CEL: variants seen among roughly 807,000 people sequenced by gnomAD.
CEL encodes carboxyl ester lipase.
CEL carries 39 observed loss-of-function variants against 57.1 expected under a neutral mutation model. That is an observed-to-expected ratio of 0.68 (90% CI 0.53 to 0.89). CEL has a LOEUF of 0.89. CEL is among the 40% of genes least tolerant of loss of function. The probability of loss-of-function intolerance (pLI) is 0.00; values close to 1 mark genes in which losing one functional copy is unlikely to be tolerated. For missense variants in CEL, 698 were observed against 915.0 expected, an observed-to-expected ratio of 0.76 and a Z score of 3.06; for synonymous variants, 314 against 396.6, an observed-to-expected ratio of 0.79 and a Z score of 2.48.
chr9:133,071,823 C>A lies in CEL; in HGVS notation c.*59C>A. On this transcript the variant is annotated 3_prime_UTR_variant, in exon 11 of 11. Transcript: ENST00000372080. ...GAGTGGGACCCCAGGGGCTCCCCTC[C>A]CATCTTGAGCTCTTCCTGAATAAAG... 2 of 1,454,614 alleles carry A rather than the reference C, an allele frequency of 1.4e-6. No individual in the cohort carries two copies. Among genetic ancestry groups the A allele is most frequent in the Non-Finnish European group, 1.9e-6 (2 of 1,040,046 alleles). 90.1% of individuals were successfully genotyped at this position (1,454,614 alleles called of 1,614,324 possible).
intron 3 of CEL, 54 bp downstream of exon 3, chr9:133,064,816 G>C: frequency 6.2e-7 from 1 of 1,612,054 alleles, no homozygotes; most frequent in Non-Finnish European, 8.5e-7. Flanking sequence ...ACTGCCCCGG[G>C]TCTACTCCTG....
Position 133,065,203 on chromosome 9 carries a change from T to C in CEL, c.504T>C (p.Leu168=), listed in dbSNP as rs1308211603. The C allele has an allele frequency of 1.9e-6, 3 of 1,613,568 alleles. No homozygotes were observed. The Admixed American group carries it at 5.0e-5, about 27-fold the overall frequency. ...CCTTCAACTACCGTGTCGGCCCCCT[T>C]GGGTTCCTCAGCACTGGGGACGCCA... ...VVTFNYRVGP[L]GFLSTGDANL... The change falls in exon 4 of 11, where the codon CTT becomes CTC. Residue 168 remains leucine (L), a synonymous_variant. Coordinates refer to ENST00000372080, the MANE Select transcript of CEL (RefSeq NM_001807.6).
In CEL at chr9:133,071,736, C is replaced by A; in HGVS notation, c.2234C>A (p.Ala745Asp). ...PVPPTDDSKEAQMPAVIRF is the reference protein window; with the variant it reads ...PVPPTDDSKEDQMPAVIRF The stretch of plus-strand genomic sequence containing the variant: ...CCCCCCACAGATGACTCCAAGGAAG[C>A]TCAGATGCCTGCAGTCATTAGGTTT... Residue 745 changes from alanine to aspartate, a missense_variant, in exon 11 of 11, where the codon GCT becomes GAT. Physicochemically the swap from Ala to Asp is moderately radical, Grantham distance 126. Coordinates refer to ENST00000372080, the MANE Select transcript of CEL (RefSeq NM_001807.6). The A allele has an allele frequency of 6.2e-7, 1 of 1,612,498 alleles. No individual in the cohort carries two copies. The highest frequency in any genetic ancestry group is 8.5e-7 in the Non-Finnish European group (1 of 1,179,522).
chr9:133,071,178 C>T lies in CEL; in HGVS notation c.1676C>T (p.Pro559Leu). Residue 559 changes from proline to leucine, a missense_variant, in exon 11 of 11, where the codon CCT becomes CTT. Around this residue, in one of 6 missense-constraint regions of CEL, gnomAD observed 238 missense variants for 213.7 expected, o/e 1.11. Transcript: ENST00000372080. ...ACAGTGACCGACCAGGAGGCCACCC[C>T]TGTGCCCCCCACAGGGGACTCCGAG... ...LPTVTDQEATPVPPTGDSEAT... is the reference protein window; with the variant it reads ...LPTVTDQEATLVPPTGDSEAT... The T allele has an allele frequency of 1.2e-6, 2 of 1,607,146 alleles. No individual in the cohort carries two copies. The highest frequency in any genetic ancestry group is 1.7e-6 in the Non-Finnish European group (2 of 1,179,336).
Position 133,066,956 on chromosome 9 carries a change from G to GT in CEL, c.777+11_777+12insT. 1.9e-6 allele frequency: 3 copies of GT among 1,557,108 alleles called. No homozygotes were observed. The highest frequency in any genetic ancestry group is 2.7e-6 in the Non-Finnish European group (3 of 1,128,990). On this transcript the variant is annotated intron_variant, in intron 6 of 10. Transcript: ENST00000372080. The surrounding 1 kb of genome is among the most constrained non-coding windows in gnomAD (Gnocchi z 4.3). ...TTCTGGGCCAAAAAGGTAAACGGAGGAGGGCAGGGCTGGGCGGGGTGGGGG... is the reference window on the plus strand; with the variant it reads ...TTCTGGGCCAAAAAGGTAAACGGAGGTAGGGCAGGGCTGGGCGGGGTGGGGG...
At chr9:133,064,859 C>T (rs1402047079) in intron 3 of CEL, 97 bp downstream of exon 3, 7 of 1,591,624 alleles carry the variant, frequency 4.4e-6, no homozygotes, top group African/African-American at 1.3e-5. Flanking sequence ...GCTGAACTTC[C>T]ATGAAATCCC....
intron 4 of CEL, 68 bp downstream of exon 4, chr9:133,065,305 C>T: frequency 1.9e-6 from 3 of 1,552,418 alleles, no homozygotes; most frequent in Non-Finnish European, 1.8e-6. Flanking sequence ...AGATTTTCCT[C>T]AGCACCCCTC....
chr9:133,064,103 A>G (rs1233254488), intron 1 of CEL, among the ~76,000 whole-genome samples: 1 of 152,174 alleles, frequency 6.6e-6, no homozygotes, highest in Non-Finnish European at 1.5e-5. Flanking sequence ...CTGGGCGGCC[A>G]TAGCCAGAAC....
chr9:133,065,284 G>A (rs911987253), intron 4 of CEL, 47 bp downstream of exon 4: 2 of 1,598,872 alleles, frequency 1.3e-6, no homozygotes, highest in African/African-American at 1.3e-5. Context: ...AGCATGCTGA[G>A]CCCAGCAGGG....
At chr9:133,065,970 G>T (rs947713683) in intron 4 of CEL, among the ~76,000 whole-genome samples, 9 of 151,848 alleles carry the variant, frequency 5.9e-5, no homozygotes, top group African/African-American at 2.2e-4. Context: ...GTGAGCCGTG[G>T]TCGTGCCACT....
chr9:133,070,819 A>C (rs1830247997), intron 10 of CEL, among the ~76,000 whole-genome samples, 161 bp downstream of exon 10: 1 of 152,172 alleles, frequency 6.6e-6, no homozygotes, highest in Non-Finnish European at 1.5e-5. Flanking sequence ...AGTTACTGGC[A>C]GAGCCCCAAG....
At chr9:133,064,359 G>T (rs769151749) in intron 1 of CEL, 45 bp from the exon 2 acceptor site, 1 of 1,610,692 alleles carries the variant, frequency 6.2e-7, no homozygotes, top group Non-Finnish European at 8.5e-7. Context: ...GATTCAGGCC[G>T]ATGGGGCTTG....
At chr9:133,068,914 G>A in intron 8 of CEL, 56 bp downstream of exon 8, 1 of 906,926 alleles carries the variant, frequency 1.1e-6, no homozygotes, top group South Asian at 1.6e-5. Context: ...CGCCGGGAAA[G>A]CACTGGCGAG....
In CEL at chr9:133,064,424, A is replaced by G; in HGVS notation, c.87A>G (p.Glu29=). ...CGCAGCTGGGCGCCGTGTACACAGAAGGTGGGTTCGTGGAAGGCGTCAATA... is the reference window on the plus strand; with the variant it reads ...CGCAGCTGGGCGCCGTGTACACAGAGGGTGGGTTCGTGGAAGGCGTCAATA... ...SAAKLGAVYT[E]GGFVEGVNKK... The change falls in exon 2 of 11, where the codon GAA becomes GAG. Residue 29 remains glutamate, a synonymous_variant. Transcript: ENST00000372080. 1 of 1,614,082 alleles carries G rather than the reference A, an allele frequency of 6.2e-7. No individual in the cohort carries two copies. Among genetic ancestry groups the G allele is most frequent in the South Asian group, 1.1e-5 (1 of 91,082 alleles).
Position 133,066,971 on chromosome 9 carries a change from C to CGGGGTGGGGGGGGGGGGGGG in CEL, c.777+36_777+37insGGGGGGGGGGGGGGTGGGGG. Reference sequence around the variant, plus strand: ...GTAAACGGAGGAGGGCAGGGCTGGGCGGGGTGGGGGCTGTCCACATTTCCG... The same window carrying CGGGGTGGGGGGGGGGGGGGG: ...GTAAACGGAGGAGGGCAGGGCTGGGCGGGGTGGGGGGGGGGGGGGGGGGGTGGGGGCTGTCCACATTTCCG... On this transcript the variant is annotated intron_variant, in intron 6 of 10. Transcript: ENST00000372080. The surrounding 1 kb of genome is among the most constrained non-coding windows in gnomAD (Gnocchi z 4.3). 1.7e-6 allele frequency: 1 copy of CGGGGTGGGGGGGGGGGGGGG among 571,496 alleles called. No homozygotes were observed. The highest frequency in any genetic ancestry group is 4.9e-5 in the East Asian group (1 of 20,518). 35.4% of individuals were successfully genotyped at this position (571,496 alleles called of 1,614,324 possible).
At position 133,065,119 on chromosome 9, in the gene CEL, C is replaced by T; in HGVS notation, c.420C>T (p.Leu140=). ...LMGSGHGANF[L]NNYLYDGEEI... Reference sequence around the variant, plus strand: ...GGTCCGGCCATGGGGCCAACTTCCTCAACAACTACCTGTATGACGGCGAGG... The same window carrying T: ...GGTCCGGCCATGGGGCCAACTTCCTTAACAACTACCTGTATGACGGCGAGG... Residue 140 remains leucine (L), a synonymous_variant, in exon 4 of 11, where the codon CTC becomes CTT. Coordinates refer to ENST00000372080, the MANE Select transcript of CEL (RefSeq NM_001807.6). 1.9e-6 allele frequency: 3 copies of T among 1,614,028 alleles called. No individual in the cohort carries two copies. The highest frequency in any genetic ancestry group is 2.5e-6 in the Non-Finnish European group (3 of 1,180,040).
chr9:133,066,839 C>A lies in CEL; in HGVS notation c.671C>A (p.Thr224Asn). The A allele has an allele frequency of 1.2e-6, 2 of 1,612,150 alleles. No individual in the cohort carries two copies. The highest frequency in any genetic ancestry group is 1.7e-6 in the Non-Finnish European group (2 of 1,179,372). Residue 224 changes from threonine to asparagine, a missense_variant and splice_region_variant, in exon 6 of 11, where the codon ACC (threonine) becomes AAC (asparagine). Around this residue, in one of 6 missense-constraint regions of CEL, gnomAD observed 327 missense variants for 374.1 expected, o/e 0.87. Transcript: ENST00000372080. The surrounding 1 kb of genome is among the most constrained non-coding windows in gnomAD (Gnocchi z 4.3). ...SAGGASVSLQTLSPYNKGLIR... is the reference protein window; with the variant it reads ...SAGGASVSLQNLSPYNKGLIR... ...TGACGGGATTTCTGGGTCCCGTAGA[C>A]CCTCTCCCCCTACAACAAGGGCCTC...
At position 133,064,720 on chromosome 9, in the gene CEL, T is replaced by C; in HGVS notation, c.298T>C (p.Cys100Arg). 1 of 1,614,102 alleles carries C rather than the reference T, an allele frequency of 6.2e-7. No individual in the cohort carries two copies. The highest frequency in any genetic ancestry group is 8.5e-7 in the Non-Finnish European group (1 of 1,180,020). The change falls in exon 3 of 11, where the codon TGC (cysteine) becomes CGC (arginine). Residue 100 changes from cysteine (C) to arginine (R), a missense_variant. Physicochemically the swap from Cys to Arg is radical, Grantham distance 180. Transcript: ENST00000372080. ...TQDSTYGDED[C>R]LYLNIWVPQG... Reference sequence around the variant, plus strand: ...GGACAGCACCTACGGGGATGAAGACTGCCTGTACCTCAACATTTGGGTGCC... The same window carrying C: ...GGACAGCACCTACGGGGATGAAGACCGCCTGTACCTCAACATTTGGGTGCC...
chr9:133,066,777 C>T lies in CEL; in HGVS notation c.670-61C>T. Reference sequence around the variant, plus strand: ...GGCTGTGGTGCTGGGGTGTCCTTGTCCCAGCGTGGGGTGGGCAGAGTGGGG... The same window carrying T: ...GGCTGTGGTGCTGGGGTGTCCTTGTTCCAGCGTGGGGTGGGCAGAGTGGGG... On this transcript the variant is annotated intron_variant, in intron 5 of 10. Coordinates refer to ENST00000372080, the MANE Select transcript of CEL (RefSeq NM_001807.6). This position sits in a 1 kb window ranked among gnomAD's most constrained non-coding sequence, Gnocchi z 4.3. 6.2e-7 allele frequency: 1 copy of T among 1,607,132 alleles called. No individual in the cohort carries two copies. Among genetic ancestry groups the T allele is most frequent in the Non-Finnish European group, 8.5e-7 (1 of 1,175,284 alleles).
Sources: allele counts gnomAD v4.1 joint callset (sites outside exome capture counted in the v4.1 genomes callset), GRCh38; gene constraint gnomAD v4.1.1; regional missense constraint gnomAD v4.1.1; non-coding constraint Gnocchi (gnomAD v3.1); transcripts MANE v1.5; gene names NCBI Gene and HGNC (gene_info 2026-07-23, HGNC 2026-07-21).